The following FSTL5 variants were observed in gnomAD, a reference collection of about 807,000 sequenced individuals.
The protein encoded by FSTL5 is follistatin-related protein 5.
FSTL5 carries 62 observed loss-of-function variants against 89.1 expected under a neutral mutation model. The ratio of observed to expected loss-of-function variants is 0.70; its 90% CI spans 0.57 to 0.86. The LOEUF (loss-of-function observed/expected upper bound fraction) is 0.86, where lower values mean the gene tolerates loss of function less well. FSTL5 is among the 40% of genes least tolerant of loss of function. FSTL5 has a pLI of 0.00. For synonymous variants in FSTL5, 383 were observed against 346.2 expected (o/e 1.11, Z -1.18); for missense variants, 1,057 against 1,001.6 (o/e 1.06, Z -0.75).
In FSTL5 at chr4:161,700,363, A is replaced by G. The variant is rs142545877; in HGVS notation, c.728-43869T>C. ...ACTATGCTATAATTCCTCTCTTCCCATAAATGAAAATAATAATATAAAATG... is the reference window on the plus strand; with the variant it reads ...ACTATGCTATAATTCCTCTCTTCCCGTAAATGAAAATAATAATATAAAATG... On this transcript the variant is annotated intron_variant, in intron 6 of 15. Transcript: ENST00000306100. 8.0e-3 allele frequency among the ~76,000 whole-genome samples: 1,226 copies of G among 152,300 alleles called. 38 individuals are homozygous for G. The South Asian group carries it at 0.12, about 15-fold the overall frequency.
intron 10 of FSTL5, among the ~76,000 whole-genome samples, chr4:161,517,224 C>T (rs913983258): frequency 6.6e-6 from 1 of 152,114 alleles, no homozygotes; most frequent in Admixed American, 6.6e-5. Flanking sequence ...GTTAGTCTGT[C>T]TGGAACCAAG....
At chr4:162,035,140 TTCAG>T (rs1005994774) in intron 2 of FSTL5, 5 of 151,590 alleles carry the variant, frequency 3.3e-5, no homozygotes, top group African/African-American at 4.8e-5. Flanking sequence ...CATTCATTCA[TTCAG>T]TCAGTCAGTC....
At chr4:162,102,363 T>C (rs989189230) in intron 2 of FSTL5, among the ~76,000 whole-genome samples, 7 of 151,542 alleles carry the variant, frequency 4.6e-5, no homozygotes, top group African/African-American at 1.7e-4. Flanking sequence ...CAGCATTCTA[T>C]TTACATCTAT....
intron 6 of FSTL5, among the ~76,000 whole-genome samples, chr4:161,729,000 A>C (rs1436163345): frequency 1.3e-5 from 2 of 152,114 alleles, no homozygotes; most frequent in Non-Finnish European, 2.9e-5. Flanking sequence ...GAAATCCATC[A>C]CAAAAGCAGG....
At chr4:161,789,437 TA>T (rs139275405) in intron 4 of FSTL5, among the ~76,000 whole-genome samples, 7 of 152,090 alleles carry the variant, frequency 4.6e-5, no homozygotes, top group Middle Eastern at 3.4e-3. Flanking sequence ...CAGATAGAAA[TA>T]AAAAAAATTA....
chr4:161,489,325 G>A (rs1430162640), intron 12 of FSTL5, among the ~76,000 whole-genome samples: 2 of 152,042 alleles, frequency 1.3e-5, no homozygotes, highest in African/African-American at 4.8e-5. Flanking sequence ...GTTGGGAAAG[G>A]TAAACATTTG....
chr4:161,822,008 A>C (rs1730509189), intron 4 of FSTL5, among the ~76,000 whole-genome samples: 1 of 152,126 alleles, frequency 6.6e-6, no homozygotes, highest in South Asian at 2.1e-4. Context: ...AGGACTCTCC[A>C]CACTGTTTTT....
chr4:161,577,383 T>G (rs141343436), intron 8 of FSTL5, among the ~76,000 whole-genome samples: 59 of 121,910 alleles, frequency 4.8e-4, no homozygotes, highest in Non-Finnish European at 1.8e-4. Context: ...TTGCCATAAA[T>G]AAACAGAACA....
At chr4:161,840,119 T>C (rs1438715409) in intron 4 of FSTL5, among the ~76,000 whole-genome samples, 1 of 152,180 alleles carries the variant, frequency 6.6e-6, no homozygotes, top group Non-Finnish European at 1.5e-5. Flanking sequence ...CTGTTATTTG[T>C]AGAAGCCCTG....
At chr4:162,089,564 C>T (rs1019251099) in intron 2 of FSTL5, among the ~76,000 whole-genome samples, 2 of 134,846 alleles carry the variant, frequency 1.5e-5, no homozygotes, top group Admixed American at 8.5e-5. Context: ...ACCCTGGAGG[C>T]GGAGGTTGCA....
rs189984050 is a variant in FSTL5 at position 161,521,757 on chromosome 4, G to A, written c.1313-11333C>T. On this transcript the variant is annotated intron_variant, in intron 10 of 15. Coordinates refer to ENST00000306100, the MANE Select transcript of FSTL5 (RefSeq NM_020116.5). The stretch of plus-strand genomic sequence containing the variant: ...CCAGCTACTTGGGAAGCTGAGGCAG[G>A]AGAATGGCGTGAACCCGGAAGGCGG... 2.1e-3 allele frequency among the ~76,000 whole-genome samples: 310 copies of A among 146,780 alleles called. 3 individuals are homozygous for A. The highest frequency in any genetic ancestry group is 3.2e-3 in the Non-Finnish European group (217 of 67,278).
intron 3 of FSTL5, among the ~76,000 whole-genome samples, chr4:161,979,922 T>C (rs542324716): frequency 2.2e-4 from 34 of 152,058 alleles, no homozygotes; most frequent in Non-Finnish European, 4.7e-4. Context: ...TTAAGGAATG[T>C]ATATAATGAT....
At chr4:161,659,777 A>C (rs1349816885) in intron 6 of FSTL5, among the ~76,000 whole-genome samples, 1 of 152,180 alleles carries the variant, frequency 6.6e-6, no homozygotes, top group African/African-American at 2.4e-5. Context: ...AAAATATTGA[A>C]AACAATCTTT....
intron 7 of FSTL5, among the ~76,000 whole-genome samples, chr4:161,594,748 C>A (rs1733951818): frequency 6.6e-6 from 1 of 151,872 alleles, no homozygotes; most frequent in African/African-American, 2.4e-5. Context: ...ATCCTCTCAT[C>A]AGTTTGAATA....
At chr4:161,562,772 A>T (rs1172350360) in intron 8 of FSTL5, among the ~76,000 whole-genome samples, 1 of 151,972 alleles carries the variant, frequency 6.6e-6, no homozygotes, top group Non-Finnish European at 1.5e-5. Context: ...CATAATGTGC[A>T]ACCATCACTA....
intron 4 of FSTL5, among the ~76,000 whole-genome samples, chr4:161,866,256 A>C (rs1732083984): frequency 6.6e-6 from 1 of 152,126 alleles, no homozygotes; most frequent in Admixed American, 6.5e-5. Context: ...ATTTTTATGA[A>C]ACCCAAAAAC....
intron 7 of FSTL5, among the ~76,000 whole-genome samples, chr4:161,642,575 C>T (rs766176391): frequency 6.6e-5 from 10 of 151,808 alleles, no homozygotes; most frequent in Non-Finnish European, 1.0e-4. Flanking sequence ...AAAAAGGTTA[C>T]GATATATAAG....
chr4:161,655,096 G>C (rs945753705), intron 7 of FSTL5, among the ~76,000 whole-genome samples: 5 of 152,070 alleles, frequency 3.3e-5, no homozygotes, highest in African/African-American at 1.2e-4. Flanking sequence ...AATACATTAT[G>C]ACATGTTGAA....
intron 8 of FSTL5, among the ~76,000 whole-genome samples, chr4:161,579,284 A>G (rs1009342335): frequency 6.6e-6 from 1 of 151,842 alleles, no homozygotes; most frequent in Non-Finnish European, 1.5e-5. Context: ...TAAGTTTCAT[A>G]TCGTATGTGT....
Sources: gnomAD v4.1 joint callset for allele counts (sites outside exome capture counted in the v4.1 genomes callset) on GRCh38, gnomAD v4.1.1 for gene constraint, MANE v1.5 for transcripts, NCBI Gene and HGNC (gene_info 2026-07-23, HGNC 2026-07-21) for gene names.